Variants in CHST11 observed in about 807,000 individuals in gnomAD.
The protein encoded by CHST11 is C4S-1.
Under a neutral mutation model 30.4 loss-of-function variants are expected in CHST11, and 9 were observed. That is an observed-to-expected ratio of 0.30 (90% CI 0.18 to 0.52). The LOEUF (loss-of-function observed/expected upper bound fraction) is 0.52. Ranked by LOEUF, CHST11 falls within the 20% of genes least tolerant of loss-of-function variation. The probability of loss-of-function intolerance (pLI) is 0.97; values close to 1 mark genes in which losing one functional copy is unlikely to be tolerated. For missense variants in CHST11, 348 were observed against 460.6 expected, an observed-to-expected ratio of 0.76 and a Z score of 2.24; for synonymous variants, 152 against 187.8, an observed-to-expected ratio of 0.81 and a Z score of 1.56.
intron 2 of CHST11, among the ~76,000 whole-genome samples, chr12:104,660,650 TAG>T (rs567314775): frequency 6.6e-4 from 100 of 152,262 alleles, no homozygotes; most frequent in African/African-American, 2.4e-3. Context: ...CTTGTGAAGA[TAG>T]AAGTGTACTC....
intron 2 of CHST11, among the ~76,000 whole-genome samples, chr12:104,633,173 A>G (rs1457128471): frequency 5.3e-5 from 8 of 152,192 alleles, no homozygotes; most frequent in South Asian, 2.1e-4. Context: ...TGCTGGAAAT[A>G]TTCAGCTGCT....
At chr12:104,693,686 T>C (rs1312326706) in intron 2 of CHST11, among the ~76,000 whole-genome samples, 1 of 152,164 alleles carries the variant, frequency 6.6e-6, no homozygotes, top group Non-Finnish European at 1.5e-5. Context: ...TGATTTGGTC[T>C]CTGGGGGTCA....
intron 1 of CHST11, among the ~76,000 whole-genome samples, chr12:104,584,678 T>C (rs77908485): frequency 1.4e-3 from 210 of 151,954 alleles, no homozygotes; most frequent in African/African-American, 4.5e-3. Context: ...AAGTGGTTAA[T>C]TTAAACTCCA....
At chr12:104,526,597 A>G (rs1177616472) in intron 1 of CHST11, among the ~76,000 whole-genome samples, 1 of 152,154 alleles carries the variant, frequency 6.6e-6, no homozygotes, top group Non-Finnish European at 1.5e-5. Flanking sequence ...AGGGGGCTTG[A>G]TGGGCCAGTG....
chr12:104,672,371 C>T (rs1042611824), intron 2 of CHST11, among the ~76,000 whole-genome samples: 2 of 152,024 alleles, frequency 1.3e-5, no homozygotes, highest in Admixed American at 6.6e-5. Flanking sequence ...CAGAGAGGGG[C>T]GAAAGGAGCA....
chr12:104,565,361 G>A (rs576277316), intron 1 of CHST11, among the ~76,000 whole-genome samples: 3 of 147,964 alleles, frequency 2.0e-5, no homozygotes, highest in East Asian at 4.1e-4. Flanking sequence ...CCACCTCCCA[G>A]GTTCAAGCGA....
intron 2 of CHST11, among the ~76,000 whole-genome samples, chr12:104,640,487 T>C (rs2039365897): frequency 6.6e-6 from 1 of 152,188 alleles, no homozygotes; most frequent in African/African-American, 2.4e-5. Flanking sequence ...AAGGCTACGT[T>C]CTGTATGATT....
intron 1 of CHST11, among the ~76,000 whole-genome samples, chr12:104,599,065 C>T (rs1199175498): frequency 6.6e-6 from 1 of 152,224 alleles, no homozygotes; most frequent in African/African-American, 2.4e-5. Context: ...AAGGATCACA[C>T]TGCACCGACT....
chr12:104,552,924 G>A (rs17035819), intron 1 of CHST11: 59,548 of 151,964 alleles, frequency 0.39, 11,937 homozygotes, highest in South Asian at 0.61. Flanking sequence ...GAAGAAGGTC[G>A]CAATTCCTAT....
At chr12:104,607,725 C>T (rs550638531) in intron 2 of CHST11, among the ~76,000 whole-genome samples, 2 of 152,118 alleles carry the variant, frequency 1.3e-5, no homozygotes, top group South Asian at 2.1e-4. Context: ...AGGGGCGGAT[C>T]GGAGAGGGGG....
intron 2 of CHST11, among the ~76,000 whole-genome samples, chr12:104,663,271 TG>T (rs2039613114): frequency 6.6e-6 from 1 of 152,260 alleles, no homozygotes; most frequent in Non-Finnish European, 1.5e-5. Context: ...TTGATTTCAG[TG>T]GGTTTGTTTT....
chr12:104,759,902 A>G lies in CHST11; in HGVS notation c.*2099A>G, dbSNP rs2040510106. The G allele has an allele frequency of 6.6e-6, 1 of 152,246 alleles. No homozygotes were observed. The highest frequency in any genetic ancestry group is 2.4e-5 in the African/African-American group (1 of 41,458). The allele number at this position is 152,246 out of a possible 1,614,324, so 9.4% of individuals were successfully genotyped here. ...TGTCCTCAGAAATGGGACTTCTGATAATGAAACAGGTTGTCCAACATTTTC... is the reference window on the plus strand; with the variant it reads ...TGTCCTCAGAAATGGGACTTCTGATGATGAAACAGGTTGTCCAACATTTTC... On this transcript the variant is annotated 3_prime_UTR_variant, in exon 3 of 3. Coordinates refer to ENST00000303694, the MANE Select transcript of CHST11 (RefSeq NM_018413.6).
At chr12:104,592,901 T>G (rs1462664209) in intron 1 of CHST11, among the ~76,000 whole-genome samples, 1 of 152,194 alleles carries the variant, frequency 6.6e-6, no homozygotes, top group Non-Finnish European at 1.5e-5. Flanking sequence ...GGTTGGCTGC[T>G]GGGGCCATTG....
rs577965671 is a variant in CHST11 at position 104,542,997 on chromosome 12, T to C, written c.119-58909T>C. ...ATTTGTGTTGCTATAAAGGGATACCTGAGGCTGGGCAATTTATAGAGGAAA... is the reference window on the plus strand; with the variant it reads ...ATTTGTGTTGCTATAAAGGGATACCCGAGGCTGGGCAATTTATAGAGGAAA... On this transcript the variant is annotated intron_variant, in intron 1 of 2. Transcript: ENST00000303694. Among the ~76,000 whole-genome samples, 2 of 152,342 alleles carry C rather than the reference T, an allele frequency of 1.3e-5. 1 individual carries two copies. Among genetic ancestry groups the C allele is most frequent in the African/African-American group, 4.8e-5 (2 of 41,572 alleles).
chr12:104,737,909 T>G (rs2040314458), intron 2 of CHST11, among the ~76,000 whole-genome samples: 1 of 152,076 alleles, frequency 6.6e-6, no homozygotes, highest in African/African-American at 2.4e-5. Context: ...TGGATGCCTT[T>G]GTTCCCTGGA....
chr12:104,742,002 GCC>G (rs141042779), intron 2 of CHST11, among the ~76,000 whole-genome samples: 1,909 of 152,228 alleles, frequency 0.013, 44 homozygotes, highest in African/African-American at 0.043. Flanking sequence ...CTGCTATCCT[GCC>G]CCCGGCACTT....
chr12:104,690,542 G>A (rs754485318), intron 2 of CHST11, among the ~76,000 whole-genome samples: 23 of 152,066 alleles, frequency 1.5e-4, no homozygotes, highest in Non-Finnish European at 2.8e-4. Context: ...AAAGAGATAC[G>A]AGACTGGGCG....
At chr12:104,575,852 G>C (rs1011749895) in intron 1 of CHST11, among the ~76,000 whole-genome samples, 5 of 151,966 alleles carry the variant, frequency 3.3e-5, no homozygotes, top group African/African-American at 1.2e-4. Flanking sequence ...GGTATTCCTT[G>C]GTCTCTGCCT....
intron 2 of CHST11, among the ~76,000 whole-genome samples, chr12:104,604,645 T>C (rs906525966): frequency 1.3e-5 from 2 of 152,184 alleles, no homozygotes; most frequent in Non-Finnish European, 2.9e-5. Context: ...TGTATTTCCC[T>C]ACCAGCCAAG....
Sources: allele counts gnomAD v4.1 joint callset (sites outside exome capture counted in the v4.1 genomes callset), GRCh38; gene constraint gnomAD v4.1.1; transcripts MANE v1.5; gene names NCBI Gene and HGNC (gene_info 2026-07-23, HGNC 2026-07-21).